The following DSCAM variants were observed in gnomAD, a reference collection of about 807,000 sequenced individuals.
DSCAM encodes DS cell adhesion molecule.
A neutral mutation model predicts 217.7 loss-of-function variants in DSCAM; 47 were observed. The observed-to-expected ratio is 0.22, with a 90% CI of 0.17 to 0.28. The LOEUF (loss-of-function observed/expected upper bound fraction) is 0.28. Among genes scored for constraint, DSCAM ranks in the 10% least tolerant of loss-of-function variants. The pLI, the probability that DSCAM is intolerant of heterozygous loss-of-function variation, is 1.00. For missense variants in DSCAM, 2,080 were observed against 2,618.3 expected (o/e 0.79, Z 4.49); for synonymous variants, 1,056 against 1,015.3 (o/e 1.04, Z -0.76).
At chr21:40,511,403 C>A (rs551914923) in intron 3 of DSCAM, among the ~76,000 whole-genome samples, 3 of 152,114 alleles carry the variant, frequency 2.0e-5, no homozygotes, top group African/African-American at 7.2e-5. Flanking sequence ...GTATCCATGT[C>A]ACAGCTCTTA....
intron 3 of DSCAM, among the ~76,000 whole-genome samples, chr21:40,539,232 C>T (rs767117909): frequency 4.6e-5 from 7 of 152,040 alleles, no homozygotes; most frequent in African/African-American, 1.4e-4. Flanking sequence ...TGGCTGGGCG[C>T]GGTGGCTCAC....
intron 1 of DSCAM, among the ~76,000 whole-genome samples, chr21:40,783,611 G>A (rs532796457): frequency 5.3e-5 from 8 of 152,312 alleles, no homozygotes; most frequent in Middle Eastern, 3.4e-3. Flanking sequence ...GTGGAGTCAC[G>A]TGACACATAA....
chr21:40,828,252 A>G (rs1412827073), intron 1 of DSCAM, among the ~76,000 whole-genome samples: 1 of 152,174 alleles, frequency 6.6e-6, no homozygotes, highest in Non-Finnish European at 1.5e-5. Flanking sequence ...AAATAAATAA[A>G]TAAAAATAAA....
chr21:40,840,927 G>A (rs1342694627), intron 1 of DSCAM, among the ~76,000 whole-genome samples: 1 of 152,062 alleles, frequency 6.6e-6, no homozygotes, highest in African/African-American at 2.4e-5. Context: ...CACTCCGTAA[G>A]GAACATCATC....
intron 2 of DSCAM, among the ~76,000 whole-genome samples, chr21:40,698,891 AAAAG>A (rs2090624581): frequency 6.7e-6 from 1 of 148,308 alleles, no homozygotes; most frequent in Admixed American, 6.7e-5. Context: ...AAAAAAAAAA[AAAAG>A]AGTCGCTTCT....
Position 40,144,332 on chromosome 21 carries a change from C to T in DSCAM, c.3259+159G>A, listed in dbSNP as rs1009479780. Among the ~76,000 whole-genome samples the T allele has an allele frequency of 4.6e-5, 7 of 152,078 alleles. No homozygotes were observed. The highest frequency in any genetic ancestry group is 7.4e-5 in the Non-Finnish European group (5 of 68,008). The stretch of plus-strand genomic sequence containing the variant: ...AGGGCGGGCAGATCAGCGGGGTGGG[C>T]GAGGTCACGAGGGAAGGCTTTTCCA... On this transcript the variant is annotated intron_variant, in intron 17 of 32. Coordinates refer to ENST00000400454, the MANE Select transcript of DSCAM (RefSeq NM_001389.5). The surrounding 1 kb of genome is among the most constrained non-coding windows in gnomAD (Gnocchi z 4.8).
At chr21:40,088,889 C>A (rs2089567856) in intron 21 of DSCAM, among the ~76,000 whole-genome samples, 3 of 152,196 alleles carry the variant, frequency 2.0e-5, no homozygotes, top group African/African-American at 7.2e-5. Context: ...GCTACACATG[C>A]ATTGGGATGT....
At chr21:40,248,679 A>G (rs750492405) in intron 11 of DSCAM, among the ~76,000 whole-genome samples, 2 of 151,968 alleles carry the variant, frequency 1.3e-5, no homozygotes, top group Admixed American at 6.6e-5. Flanking sequence ...AGCCCTCCAA[A>G]CTGTTCCAAC....
chr21:40,158,337 C>T (rs748090894), intron 16 of DSCAM, among the ~76,000 whole-genome samples: 5 of 151,958 alleles, frequency 3.3e-5, no homozygotes, highest in Non-Finnish European at 5.9e-5. Context: ...CTGCAGTGAG[C>T]CAGGATGGTG....
At chr21:40,612,263 G>C (rs2089325583) in intron 3 of DSCAM, among the ~76,000 whole-genome samples, 1 of 152,110 alleles carries the variant, frequency 6.6e-6, no homozygotes, top group Non-Finnish European at 1.5e-5. Context: ...TGGTCCTACT[G>C]ACTTGCTTGA....
At chr21:40,053,675 AC>A (rs1344215943) in intron 29 of DSCAM, among the ~76,000 whole-genome samples, 1 of 152,166 alleles carries the variant, frequency 6.6e-6, no homozygotes, top group African/African-American at 2.4e-5. Context: ...AATGCCATCG[AC>A]CCATTGTCAG....
intron 1 of DSCAM, among the ~76,000 whole-genome samples, chr21:40,740,127 T>C (rs2091110040): frequency 6.6e-6 from 1 of 152,094 alleles, no homozygotes; most frequent in African/African-American, 2.4e-5. Context: ...CCTAAGACAG[T>C]GCTCTGTAAA....
chr21:40,210,775 C>T (rs2091174368), intron 11 of DSCAM, among the ~76,000 whole-genome samples: 1 of 152,178 alleles, frequency 6.6e-6, no homozygotes, highest in Non-Finnish European at 1.5e-5. Flanking sequence ...GAACTCCTGA[C>T]CTCAGGTGGT....
At chr21:40,484,219 C>A (rs908755643) in intron 3 of DSCAM, among the ~76,000 whole-genome samples, 1 of 152,132 alleles carries the variant, frequency 6.6e-6, no homozygotes, top group African/African-American at 2.4e-5. Context: ...ATATATTGTC[C>A]GGCAGAATTG....
At chr21:40,327,958 T>C (rs557311413) in intron 8 of DSCAM, among the ~76,000 whole-genome samples, 2 of 152,018 alleles carry the variant, frequency 1.3e-5, no homozygotes, top group Non-Finnish European at 1.5e-5. Flanking sequence ...ATCTCTACAG[T>C]GATAAGTATA....
rs568900454 is a variant in DSCAM, at chr21:40,105,844, C to T, written c.3697-11970G>A. ...AACTGAGAAGATTTAGAACCACATT[C>T]CATATCTATTGAGATAATCATGTAG... On this transcript the variant is annotated intron_variant, in intron 20 of 32. Transcript: ENST00000400454. Among the ~76,000 whole-genome samples, 28 of 152,294 alleles carry T rather than the reference C, an allele frequency of 1.8e-4. 1 individual carries two copies. The highest frequency in any genetic ancestry group is 6.7e-4 in the African/African-American group (28 of 41,566).
At chr21:40,579,596 A>G (rs2076886962) in intron 3 of DSCAM, among the ~76,000 whole-genome samples, 1 of 152,226 alleles carries the variant, frequency 6.6e-6, no homozygotes, top group African/African-American at 2.4e-5. Context: ...TCTTGCCTAT[A>G]TGAAACTACA....
At chr21:40,343,414 T>C (rs1476344676) in intron 6 of DSCAM, among the ~76,000 whole-genome samples, 1 of 152,184 alleles carries the variant, frequency 6.6e-6, no homozygotes, top group Non-Finnish European at 1.5e-5. Flanking sequence ...TGATTTTAGC[T>C]GTAGATTGTT....
At chr21:40,774,525 A>T (rs1051356802) in intron 1 of DSCAM, among the ~76,000 whole-genome samples, 1 of 152,230 alleles carries the variant, frequency 6.6e-6, no homozygotes, top group African/African-American at 2.4e-5. Context: ...TCGTTTCTAA[A>T]TGTGTCTCAT....
Sources: allele counts gnomAD v4.1 joint callset (sites outside exome capture counted in the v4.1 genomes callset), GRCh38; gene constraint gnomAD v4.1.1; non-coding constraint Gnocchi (gnomAD v3.1); transcripts MANE v1.5; gene names NCBI Gene and HGNC (gene_info 2026-07-23, HGNC 2026-07-21).